The following LNX1 variants were observed in gnomAD, a reference collection of about 807,000 sequenced individuals.
LNX1 encodes the protein ligand of numb-protein X 1.
In LNX1, 54 loss-of-function variants were observed where a neutral mutation model predicts 68.4. That is an observed-to-expected ratio of 0.79 (90% CI 0.63 to 0.99). LNX1 has a LOEUF of 0.99. Ranked by LOEUF, LNX1 falls within the 50% of genes least tolerant of loss-of-function variation. The probability of loss-of-function intolerance (pLI) is 0.00; values close to 1 mark genes in which losing one functional copy is unlikely to be tolerated. For missense variants in LNX1, 906 were observed against 926.4 expected (o/e 0.98, Z 0.29); for synonymous variants, 336 against 350.0 (o/e 0.96, Z 0.45).
chr4:53,566,252 G>A (rs987353209), intron 2 of LNX1, among the ~76,000 whole-genome samples: 1 of 151,096 alleles, frequency 6.6e-6, no homozygotes, highest in African/African-American at 2.4e-5. Context: ...CAGAGAGAAA[G>A]GTCGGGTTAC....
intron 2 of LNX1, among the ~76,000 whole-genome samples, chr4:53,530,683 A>G (rs1225683360): frequency 4.6e-5 from 7 of 152,218 alleles, no homozygotes; most frequent in African/African-American, 1.7e-4. Context: ...TGAAAACTTA[A>G]GTATGTATCT....
chr4:53,515,284 G>A (rs139199297), intron 2 of LNX1, among the ~76,000 whole-genome samples: 33 of 152,332 alleles, frequency 2.2e-4, no homozygotes, highest in Admixed American at 5.2e-4. Flanking sequence ...GCAAGTTGTG[G>A]CCACAGAGCT....
intron 1 of LNX1, among the ~76,000 whole-genome samples, chr4:53,633,378 T>C (rs1180275503): frequency 6.6e-6 from 1 of 152,236 alleles, no homozygotes; most frequent in Admixed American, 6.5e-5. Context: ...TTCTCCTTTT[T>C]ATATCTTCCT....
intron 2 of LNX1, among the ~76,000 whole-genome samples, chr4:53,544,165 G>C (rs1203698452): frequency 1.3e-5 from 2 of 152,100 alleles, no homozygotes; most frequent in Non-Finnish European, 2.9e-5. Context: ...ATAGAAATTA[G>C]TAAGCACCTG....
intron 8 of LNX1, 22 bp from the exon 9 acceptor site, chr4:53,477,003 G>C: frequency 6.3e-7 from 1 of 1,595,492 alleles, no homozygotes; most frequent in Non-Finnish European, 8.6e-7. Context: ...AGAAGCAGAA[G>C]CTATCTTTAG....
Position 53,468,960 on chromosome 4 carries a change from G to A in LNX1, c.1893-7367C>T, listed in dbSNP as rs181402324. On this transcript the variant is annotated intron_variant, in intron 9 of 10. Transcript: ENST00000263925. ...ACAGAAAGTTAACAAGGATATCCAG[G>A]AATTGAACTCAGCTCTGCACCAAGC... Among the ~76,000 whole-genome samples, 89 of 152,262 alleles carry A rather than the reference G, an allele frequency of 5.8e-4. 1 individual carries two copies. The East Asian group carries it at 0.013, about 23-fold the overall frequency.
chr4:53,520,188 C>A (rs1429114137), intron 2 of LNX1, among the ~76,000 whole-genome samples: 1 of 152,182 alleles, frequency 6.6e-6, no homozygotes, highest in Non-Finnish European at 1.5e-5. Flanking sequence ...GAAGGCACAG[C>A]CTCTCACAGC....
intron 1 of LNX1, among the ~76,000 whole-genome samples, chr4:53,632,107 C>T (rs1386327687): frequency 6.6e-6 from 1 of 151,960 alleles, no homozygotes; most frequent in Non-Finnish European, 1.5e-5. Flanking sequence ...AGAATGGTAC[C>T]AAGGGCAGAC....
intron 7 of LNX1, among the ~76,000 whole-genome samples, chr4:53,481,169 G>A (rs1317296664): frequency 3.3e-5 from 5 of 152,226 alleles, no homozygotes; most frequent in African/African-American, 4.8e-5. Flanking sequence ...CAGATCCACA[G>A]TGTTTTAGAG....
intron 2 of LNX1, among the ~76,000 whole-genome samples, chr4:53,613,054 T>C (rs371120556): frequency 8.0e-5 from 12 of 150,532 alleles, no homozygotes; most frequent in Admixed American, 4.7e-4. Context: ...CCTACGATTA[T>C]ATAGCCATGA....
chr4:53,479,040 G>A (rs977061946), intron 7 of LNX1, among the ~76,000 whole-genome samples: 6 of 152,124 alleles, frequency 3.9e-5, no homozygotes, highest in African/African-American at 7.2e-5. Flanking sequence ...GGAAGGAACC[G>A]ATTACAGACC....
chr4:53,489,921 T>C (rs994602470), intron 6 of LNX1, among the ~76,000 whole-genome samples: 1 of 152,208 alleles, frequency 6.6e-6, no homozygotes, highest in Non-Finnish European at 1.5e-5. Flanking sequence ...CTATCAGCTT[T>C]TATTTCACTG....
chr4:53,520,160 C>T lies in LNX1; in HGVS notation c.381-11933G>A, dbSNP rs1227980112. Among the ~76,000 whole-genome samples the T allele has an allele frequency of 3.9e-5, 6 of 152,336 alleles. No homozygotes were observed. In the East Asian group the frequency reaches 1.2e-3, roughly 29 times the overall value. On this transcript the variant is annotated intron_variant, in intron 2 of 10. Transcript: ENST00000263925. ...GTACTAAGATGGGTGTCCAGAATGT[C>T]ACCCCCAAACTGCTGCTGAAGGCAC...
intron 9 of LNX1, among the ~76,000 whole-genome samples, chr4:53,465,132 C>T (rs1722576575): frequency 6.6e-6 from 1 of 152,014 alleles, no homozygotes; most frequent in African/African-American, 2.4e-5. Context: ...GCATTTTTTT[C>T]CTTGCAGGAA....
chr4:53,592,088 C>T (rs1286148882), upstream of LNX1, among the ~76,000 whole-genome samples: 4 of 152,088 alleles, frequency 2.6e-5, no homozygotes, highest in Non-Finnish European at 5.9e-5. Flanking sequence ...GCGCTACCCC[C>T]TCCCCCGCCC....
intron 1 of LNX1, among the ~76,000 whole-genome samples, chr4:53,590,821 G>A (rs1416892966): frequency 1.3e-5 from 2 of 152,092 alleles, no homozygotes; most frequent in Non-Finnish European, 2.9e-5. Context: ...AAAGAGCAAA[G>A]AAAATGGTAG....
chr4:53,476,652 G>T, intron 9 of LNX1, 101 bp downstream of exon 9: 2 of 963,790 alleles, frequency 2.1e-6, no homozygotes, highest in Non-Finnish European at 3.3e-6. Context: ...GTCTAATTAA[G>T]ATGCTAGTGC....
upstream of LNX1, among the ~76,000 whole-genome samples, chr4:53,592,248 T>C (rs2109823108): frequency 6.6e-6 from 1 of 152,260 alleles, no homozygotes; most frequent in East Asian, 1.9e-4. Context: ...ATGGTAGTAC[T>C]GTCATTAGGC....
chr4:53,540,317 AG>A (rs1174023110), intron 2 of LNX1, among the ~76,000 whole-genome samples: 1 of 152,098 alleles, frequency 6.6e-6, no homozygotes, highest in African/African-American at 2.4e-5. Flanking sequence ...CGAGTGGTTG[AG>A]GCTGCAGTAA....
Sources: gnomAD v4.1 joint callset for allele counts (sites outside exome capture counted in the v4.1 genomes callset) on GRCh38, gnomAD v4.1.1 for gene constraint, MANE v1.5 for transcripts, NCBI Gene and HGNC (gene_info 2026-07-23, HGNC 2026-07-21) for gene names.